The following RDX variants were observed in gnomAD, a reference collection of about 807,000 sequenced individuals.
RDX encodes radixin, also known as deafness, autosomal recessive 24.
In RDX, 32 loss-of-function variants were observed where a neutral mutation model predicts 83.7. That is an observed-to-expected ratio of 0.38 (90% confidence interval 0.29 to 0.51). RDX has a LOEUF of 0.51. Among genes scored for constraint, RDX ranks in the 20% least tolerant of loss-of-function variants. The probability of loss-of-function intolerance (pLI) is 0.87; values close to 1 mark genes in which losing one functional copy is unlikely to be tolerated. For missense variants in RDX, 600 were observed against 689.9 expected (o/e 0.87, Z 1.46); for synonymous variants, 229 against 222.7 (o/e 1.03, Z -0.25).
chr11:110,201,170 C>G (rs1469415828), intron 14 of RDX, among the ~76,000 whole-genome samples: 2 of 126,822 alleles, frequency 1.6e-5, no homozygotes, highest in African/African-American at 3.2e-5. Context: ...GAGCAAAACT[C>G]CCGTCTCAAA....
intron 14 of RDX, among the ~76,000 whole-genome samples, chr11:110,214,148 AAAAC>A (rs1349854713): frequency 1.3e-5 from 2 of 151,214 alleles, no homozygotes; most frequent in African/African-American, 2.4e-5. Context: ...TTACAAGAAA[AAAAC>A]AAACAACCCC....
chr11:110,256,619 A>C (rs1859556239), intron 7 of RDX, among the ~76,000 whole-genome samples: 1 of 152,218 alleles, frequency 6.6e-6, no homozygotes, highest in African/African-American at 2.4e-5. Context: ...TCACGCCTGT[A>C]ATCTCAGCAC....
intron 15 of RDX, among the ~76,000 whole-genome samples, chr11:110,195,073 C>G (rs1233893921): frequency 1.3e-5 from 2 of 152,130 alleles, no homozygotes; most frequent in Non-Finnish European, 2.9e-5. Flanking sequence ...TCACTGCAAC[C>G]TCCACCTCCC....
chr11:110,202,962 G>A (rs1416838081), intron 14 of RDX, among the ~76,000 whole-genome samples: 1 of 152,054 alleles, frequency 6.6e-6, no homozygotes, highest in Non-Finnish European at 1.5e-5. Context: ...AACCACTATA[G>A]AGAACAGTAT....
intron 9 of RDX, among the ~76,000 whole-genome samples, chr11:110,248,321 G>C (rs1859200899): frequency 6.6e-6 from 1 of 152,064 alleles, no homozygotes; most frequent in African/African-American, 2.4e-5. Flanking sequence ...TATTTTAACA[G>C]GGTTTTCATT....
intron 1 of RDX, among the ~76,000 whole-genome samples, chr11:110,292,336 T>C (rs1241236543): frequency 6.6e-6 from 1 of 151,344 alleles, no homozygotes; most frequent in Non-Finnish European, 1.5e-5. Context: ...GGCACACGCC[T>C]GTGTTGGCAG....
At chr11:110,256,970 C>G (rs563123620) in intron 7 of RDX, among the ~76,000 whole-genome samples, 1 of 152,062 alleles carries the variant, frequency 6.6e-6, no homozygotes, top group African/African-American at 2.4e-5. Context: ...TAGGAAAAGG[C>G]ATTAATTACT....
Position 110,236,174 on chromosome 11 carries a change from T to C in RDX, c.1269A>G (p.Glu423=). ...NQEQLAAELA[E]FTAKIALLEE... ...CTAGAAGTGCAATCTTGGCAGTGAA[T>C]TCAGCAAGTTCTGCTGCCTAAAGTA... Residue 423 remains glutamate (E), a synonymous_variant, in exon 12 of 14, where the codon GAA becomes GAG. Transcript: ENST00000645495. 1 of 1,612,654 alleles carries C rather than the reference T, an allele frequency of 6.2e-7. No individual in the cohort carries two copies. The highest frequency in any genetic ancestry group is 8.5e-7 in the Non-Finnish European group (1 of 1,179,578).
chr11:110,243,970 A>G (rs1865201160), intron 10 of RDX, among the ~76,000 whole-genome samples: 1 of 152,184 alleles, frequency 6.6e-6, no homozygotes, highest in African/African-American at 2.4e-5. Context: ...AGTTAAATAC[A>G]GTTACCACAT....
At chr11:110,207,186 C>G (rs955392873) in intron 14 of RDX, among the ~76,000 whole-genome samples, 2 of 152,124 alleles carry the variant, frequency 1.3e-5, no homozygotes, top group African/African-American at 4.8e-5. Context: ...GTTAGCCAGG[C>G]TGGTCTCGAA....
chr11:110,218,580 C>A (rs1864138969), intron 14 of RDX, among the ~76,000 whole-genome samples: 1 of 152,210 alleles, frequency 6.6e-6, no homozygotes, highest in Non-Finnish European at 1.5e-5. Flanking sequence ...ATGTCACAGG[C>A]ACACCCAAAC....
chr11:110,180,154 G>T (rs1862856727), intron 15 of RDX, among the ~76,000 whole-genome samples: 1 of 152,004 alleles, frequency 6.6e-6, no homozygotes. Context: ...TACCTGCCTT[G>T]GCCTCCCAAA....
At chr11:110,272,965 A>G in intron 2 of RDX, 1 of 458,522 alleles carries the variant, frequency 2.2e-6, no homozygotes, top group Non-Finnish European at 4.4e-6. Flanking sequence ...GGTGCCTCAC[A>G]TCTTTAGTCC....
intron 1 of RDX, among the ~76,000 whole-genome samples, chr11:110,285,028 T>C (rs558157235): frequency 6.6e-6 from 1 of 152,352 alleles, no homozygotes; most frequent in East Asian, 1.9e-4. Context: ...GACAAAGCTA[T>C]GTATAAATGC....
intron 12 of RDX, among the ~76,000 whole-genome samples, chr11:110,234,704 C>G (rs1189210899): frequency 6.6e-6 from 1 of 152,068 alleles, no homozygotes; most frequent in African/African-American, 2.4e-5. Context: ...TTCTAATAAA[C>G]AAGTAGAGTA....
At position 110,279,688 on chromosome 11, in the gene RDX, G is replaced by C. The variant is rs763518071; in HGVS notation, c.5C>G (p.Pro2Arg). The C allele has an allele frequency of 6.6e-7, 1 of 1,524,450 alleles. No homozygotes were observed. Among genetic ancestry groups the C allele is most frequent in the Non-Finnish European group, 9.1e-7 (1 of 1,102,216 alleles). 94.4% of individuals were successfully genotyped at this position (1,524,450 alleles called of 1,614,324 possible). A position where few individuals can be genotyped will look rare whatever the true frequency, so the allele number is the denominator to read the frequency against. Residue 2 changes from proline to arginine, a missense_variant, in exon 2 of 14, where the codon CCG becomes CGG. Coordinates refer to ENST00000645495, the MANE Select transcript of RDX (RefSeq NM_002906.4). Reference protein sequence around the residue: MPKPINVRVTTM... With the variant: MRKPINVRVTTM... ...GTAATAAAATACACTTACTGGTTTC[G>C]GCATTTTCTTTCTCTTTTTGTTACC...
At chr11:110,177,092 G>C (rs1862789402) in intron 15 of RDX, among the ~76,000 whole-genome samples, 2 of 152,228 alleles carry the variant, frequency 1.3e-5, no homozygotes, top group African/African-American at 2.4e-5. Context: ...AGAGACATCG[G>C]TTCTGTCAAG....
At chr11:110,286,540 T>C (rs1860986220) in intron 1 of RDX, among the ~76,000 whole-genome samples, 1 of 152,260 alleles carries the variant, frequency 6.6e-6, no homozygotes, top group Admixed American at 6.5e-5. Context: ...TTATAAAGTC[T>C]AGTCCATGCA....
chr11:110,244,889 T>C (rs1487932732), intron 10 of RDX, among the ~76,000 whole-genome samples: 1 of 152,038 alleles, frequency 6.6e-6, no homozygotes, highest in Non-Finnish European at 1.5e-5. Context: ...AGGGCACTTA[T>C]GGGAGTAAAT....
Sources: gnomAD v4.1 joint callset for allele counts (sites outside exome capture counted in the v4.1 genomes callset) on GRCh38, gnomAD v4.1.1 for gene constraint, MANE v1.5 for transcripts, NCBI Gene and HGNC (gene_info 2026-07-23, HGNC 2026-07-21) for gene names.